Variants in FRMD4B observed in about 807,000 individuals in gnomAD.
FRMD4B encodes the protein FERM domain-containing protein 4B.
In FRMD4B, 74 loss-of-function variants were observed where a neutral mutation model predicts 141.5. The ratio of observed to expected loss-of-function variants is 0.52; its 90% CI spans 0.43 to 0.63. The LOEUF (loss-of-function observed/expected upper bound fraction) is 0.63. Ranked by LOEUF, FRMD4B falls within the 30% of genes least tolerant of loss-of-function variation. The pLI, the probability that FRMD4B is intolerant of heterozygous loss-of-function variation, is 0.00. For missense variants in FRMD4B, 1,366 were observed against 1,253.4 expected, an observed-to-expected ratio of 1.09 and a Z score of -1.36; for synonymous variants, 506 against 467.9, an observed-to-expected ratio of 1.08 and a Z score of -1.05.
At chr3:69,313,547 C>A in intron 1 of FRMD4B, 30 bp from the exon 2 acceptor site, 2 of 1,434,176 alleles carry the variant, frequency 1.4e-6, no homozygotes, top group East Asian at 2.4e-5. Context: ...AGAGTGGTGT[C>A]AGGGCCACGG....
At chr3:69,331,949 G>A (rs1385252188) in intron 1 of FRMD4B, among the ~76,000 whole-genome samples, 6 of 151,996 alleles carry the variant, frequency 3.9e-5, no homozygotes, top group South Asian at 2.1e-4. Flanking sequence ...TTAGCCTAGC[G>A]CAGTGGCTGG....
intron 1 of FRMD4B, among the ~76,000 whole-genome samples, chr3:69,315,764 A>G (rs1701787281): frequency 6.6e-6 from 1 of 152,258 alleles, no homozygotes; most frequent in Non-Finnish European, 1.5e-5. Flanking sequence ...CAATGTCACC[A>G]TGAACTTTGC....
At chr3:69,259,243 C>G (rs537131073) in intron 5 of FRMD4B, among the ~76,000 whole-genome samples, 3 of 152,116 alleles carry the variant, frequency 2.0e-5, no homozygotes, top group South Asian at 2.1e-4. Flanking sequence ...TATGCCCCTA[C>G]GAGAATCTAA....
intron 1 of FRMD4B, among the ~76,000 whole-genome samples, chr3:69,357,093 T>A (rs1434656938): frequency 2.0e-5 from 3 of 152,090 alleles, no homozygotes; most frequent in Non-Finnish European, 2.9e-5. Flanking sequence ...ATTGGAGAGT[T>A]TGGTGGGGCT....
chr3:69,328,043 A>C (rs569969479), intron 1 of FRMD4B, among the ~76,000 whole-genome samples: 2 of 152,336 alleles, frequency 1.3e-5, no homozygotes, highest in South Asian at 4.1e-4. Flanking sequence ...GTTAAGAAAA[A>C]AAAGATTTAT....
chr3:69,324,187 T>C (rs2107297445), intron 1 of FRMD4B, among the ~76,000 whole-genome samples: 1 of 152,352 alleles, frequency 6.6e-6, no homozygotes, highest in Middle Eastern at 3.4e-3. Flanking sequence ...CATGGCTGTG[T>C]CATGCATATG....
intron 22 of FRMD4B, among the ~76,000 whole-genome samples, chr3:69,174,031 G>T (rs1163859660): frequency 6.6e-6 from 1 of 152,112 alleles, no homozygotes. Context: ...CAGCTACTTG[G>T]GAGGCTGAGG....
intron 2 of FRMD4B, among the ~76,000 whole-genome samples, chr3:69,419,076 G>T (rs188997205): frequency 6.6e-6 from 1 of 152,158 alleles, no homozygotes; most frequent in Non-Finnish European, 1.5e-5. Flanking sequence ...GGTTGCATAT[G>T]TGAAATGGTT....
chr3:69,201,023 C>T (rs2092960713), intron 11 of FRMD4B: 2 of 284,986 alleles, frequency 7.0e-6, no homozygotes, highest in Non-Finnish European at 1.4e-5. Context: ...AATACGCTCC[C>T]TGCAAGCAAA....
In FRMD4B at chr3:69,224,471, T is replaced by C. The variant is rs73838306; in HGVS notation, c.665+136A>G. On this transcript the variant is annotated intron_variant, in intron 8 of 22. Transcript: ENST00000398540. ...TCCTTTCACTGAAAGGATCAAGGTC[T>C]ACCTATGGTTACTTTATACAATTGA... 5.1e-4 allele frequency: 343 copies of C among 677,346 alleles called. 2 individuals carry two copies. The African/African-American group carries it at 5.8e-3, about 11-fold the overall frequency. The allele number at this position is 677,346 out of a possible 1,614,324, so 42.0% of individuals were successfully genotyped here.
Position 69,193,752 on chromosome 3 carries a change from T to A in FRMD4B, c.1610A>T (p.Asp537Val). 6.2e-7 allele frequency: 1 copy of A among 1,613,696 alleles called. No individual in the cohort carries two copies. Among genetic ancestry groups the A allele is most frequent in the Non-Finnish European group, 8.5e-7 (1 of 1,179,582 alleles). Residue 537 changes from aspartate to valine, a missense_variant, in exon 17 of 23, where the codon GAT (aspartate) becomes GTT (valine). By Grantham distance (152) the Asp-to-Val change is radical (BLOSUM62 -3). Coordinates refer to ENST00000398540, the MANE Select transcript of FRMD4B (RefSeq NM_015123.3). ...AAGCTTTTTCATCGCATCTGTGTAATCTTGCTTTCGCTTTTTCTTCACAGT... is the reference window on the plus strand; with the variant it reads ...AAGCTTTTTCATCGCATCTGTGTAAACTTGCTTTCGCTTTTTCTTCACAGT... ...CKTVKKKRKQ[D>V]YTDAMKKLQE...
At chr3:69,403,551 C>T (rs1704602534) in intron 2 of FRMD4B, among the ~76,000 whole-genome samples, 1 of 152,100 alleles carries the variant, frequency 6.6e-6, no homozygotes, top group African/African-American at 2.4e-5. Flanking sequence ...CCATTCCTGC[C>T]GTTGCTACTA....
intron 1 of FRMD4B, chr3:69,472,145 C>A (rs1162718553): frequency 4.2e-6 from 1 of 238,222 alleles, no homozygotes; most frequent in African/African-American, 2.3e-5. Flanking sequence ...AGGTTCATTA[C>A]CAGAATTTCT....
chr3:69,337,425 G>A (rs181489442), intron 1 of FRMD4B, among the ~76,000 whole-genome samples: 3,621 of 152,242 alleles, frequency 0.024, 127 homozygotes, highest in African/African-American at 0.081. Flanking sequence ...AACACCAAAA[G>A]CAATGGCAAC....
At chr3:69,280,936 C>CT (rs879945455) in intron 5 of FRMD4B, among the ~76,000 whole-genome samples, 7 of 150,584 alleles carry the variant, frequency 4.6e-5, no homozygotes, top group East Asian at 2.0e-4. Flanking sequence ...TCTTCTTCTT[C>CT]TTTTTTTTTG....
chr3:69,322,652 A>G (rs1320640049), intron 1 of FRMD4B, among the ~76,000 whole-genome samples: 1 of 144,126 alleles, frequency 6.9e-6, no homozygotes, highest in Non-Finnish European at 1.5e-5. Context: ...GCTGGAGTAC[A>G]GTGGCATGAA....
intron 7 of FRMD4B, among the ~76,000 whole-genome samples, chr3:69,248,022 C>T (rs1447171165): frequency 2.0e-5 from 3 of 149,860 alleles, no homozygotes; most frequent in Non-Finnish European, 3.0e-5. Context: ...GAACTCCTGG[C>T]CTCAAGTGAT....
intron 10 of FRMD4B, among the ~76,000 whole-genome samples, 163 bp from the exon 11 acceptor site, chr3:69,216,512 A>G (rs2093142621): frequency 6.7e-6 from 1 of 149,858 alleles, no homozygotes; most frequent in South Asian, 2.1e-4. Context: ...GCTCACTGCA[A>G]TCTCTGCCTC....
At chr3:69,536,550 G>T (rs1701088783) in intron 1 of FRMD4B, 5 of 704,444 alleles carry the variant, frequency 7.1e-6, no homozygotes, top group Non-Finnish European at 1.3e-5. Flanking sequence ...GGAATAGGGG[G>T]GATGGTGAGA....
Sources: allele counts gnomAD v4.1 joint callset (sites outside exome capture counted in the v4.1 genomes callset), GRCh38; gene constraint gnomAD v4.1.1; transcripts MANE v1.5; gene names NCBI Gene and HGNC (gene_info 2026-07-23, HGNC 2026-07-21).